SHISA9: variants seen among roughly 807,000 people sequenced by gnomAD.
SHISA9 encodes the protein shisa family member 9.
In SHISA9, 13 loss-of-function variants were observed where a neutral mutation model predicts 38.0. The ratio of observed to expected loss-of-function variants is 0.34; its 90% CI spans 0.22 to 0.54. The LOEUF is 0.54. Ranked by LOEUF, SHISA9 falls within the 20% of genes least tolerant of loss-of-function variation. The pLI, the probability that SHISA9 is intolerant of heterozygous loss-of-function variation, is 0.91. For synonymous variants in SHISA9, 275 were observed against 242.0 expected (o/e 1.14, Z -1.27); for missense variants, 538 against 575.8 (o/e 0.93, Z 0.67).
chr16:13,170,725 C>G (rs576009058), intron 2 of SHISA9, among the ~76,000 whole-genome samples: 1 of 152,194 alleles, frequency 6.6e-6, no homozygotes, highest in Non-Finnish European at 1.5e-5. Flanking sequence ...GGTGCCATCT[C>G]GGCTCACTGC....
At position 13,049,153 on chromosome 16, in the gene SHISA9, A is replaced by AGT. The variant is rs1325522183; in HGVS notation, c.691+132339_691+132340dup. On this transcript the variant is annotated intron_variant, in intron 2 of 4. Coordinates refer to ENST00000558583, the MANE Select transcript of SHISA9 (RefSeq NM_001145204.3). ...GCTGCCATTCTAAGCTTTGGTTAGG[A>AGT]GTATGTGTGTGTGTGTGTGTGTGTG... 1.1e-3 allele frequency among the ~76,000 whole-genome samples: 159 copies of AGT among 138,506 alleles called. 1 individual carries two copies. The highest frequency in any genetic ancestry group is 7.8e-3 in the Middle Eastern group (2 of 258). The allele number at this position is 138,506 out of a possible 152,430, so 90.9% of individuals were successfully genotyped here.
chr16:13,469,788 A>G, the SHISA9 span, among the ~76,000 whole-genome samples: 2 of 142,236 alleles, frequency 1.4e-5, no homozygotes, highest in East Asian at 4.9e-4. Context: ...TCAGAAATCT[A>G]TATAGGAGGT....
At chr16:13,142,276 A>G (rs2050408391) in intron 2 of SHISA9, among the ~76,000 whole-genome samples, 1 of 152,190 alleles carries the variant, frequency 6.6e-6, no homozygotes, top group African/African-American at 2.4e-5. Context: ...ACGATTACTT[A>G]TTAGGTCTTC....
At chr16:12,981,070 G>A (rs1436809514) in intron 2 of SHISA9, among the ~76,000 whole-genome samples, 1 of 152,086 alleles carries the variant, frequency 6.6e-6, no homozygotes, top group Non-Finnish European at 1.5e-5. Context: ...CAAAATGATT[G>A]TACTCCTCAA....
chr16:13,246,561 G>A, the SHISA9 span, among the ~76,000 whole-genome samples: 1 of 152,034 alleles, frequency 6.6e-6, no homozygotes, highest in African/African-American at 2.4e-5. Flanking sequence ...ACCAATTATT[G>A]AACATTTTTT....
chr16:13,450,653 T>A, the SHISA9 span, among the ~76,000 whole-genome samples: 5 of 152,222 alleles, frequency 3.3e-5, no homozygotes, highest in African/African-American at 4.8e-5. Context: ...AGTGGAATTA[T>A]TATCTCCAAT....
chr16:13,314,207 T>A, the SHISA9 span, among the ~76,000 whole-genome samples: 1 of 151,602 alleles, frequency 6.6e-6, no homozygotes, highest in Non-Finnish European at 1.5e-5. Context: ...TATTTCATTT[T>A]TTTTTATTTT....
intron 2 of SHISA9, among the ~76,000 whole-genome samples, chr16:13,113,129 C>G (rs251922): frequency 0.62 from 92,855 of 149,268 alleles, 29,797 homozygotes; most frequent in African/African-American, 0.78. Context: ...AGAATCGCTT[C>G]AACCCAGAAG....
intron 2 of SHISA9, among the ~76,000 whole-genome samples, chr16:13,013,628 TTCACCCATGAGGCATCACTG>T: frequency 6.6e-6 from 1 of 152,332 alleles, no homozygotes; most frequent in East Asian, 1.9e-4. Flanking sequence ...GTCTTCTCTT[TTCACCCATGAGGCATCACTG>T]TCACATCCCT....
intron 2 of SHISA9, among the ~76,000 whole-genome samples, chr16:12,936,967 A>G (rs945226136): frequency 4.6e-5 from 7 of 152,166 alleles, no homozygotes; most frequent in African/African-American, 1.7e-4. Flanking sequence ...CCTTACTCCA[A>G]CACTGTCTTT....
At chr16:13,416,141 C>G in the SHISA9 span, among the ~76,000 whole-genome samples, 1 of 152,026 alleles carries the variant, frequency 6.6e-6, no homozygotes, top group East Asian at 1.9e-4. Flanking sequence ...AAAAAAACCT[C>G]AAAAAGTAAA....
intron 2 of SHISA9, among the ~76,000 whole-genome samples, chr16:13,004,119 G>C (rs1050018215): frequency 6.6e-6 from 1 of 152,176 alleles, no homozygotes; most frequent in Non-Finnish European, 1.5e-5. Context: ...CTGTTGAGGA[G>C]GTGTTTGAGG....
chr16:12,977,105 C>T (rs574519166), intron 2 of SHISA9, among the ~76,000 whole-genome samples: 171 of 152,224 alleles, frequency 1.1e-3, no homozygotes, highest in African/African-American at 3.8e-3. Context: ...TGAATGGAAG[C>T]CTTTAAGAGC....
At chr16:13,101,731 T>A (rs1034363358) in intron 2 of SHISA9, among the ~76,000 whole-genome samples, 1 of 152,254 alleles carries the variant, frequency 6.6e-6, no homozygotes, top group Non-Finnish European at 1.5e-5. Flanking sequence ...TGTACTAATT[T>A]CTATTCCTAC....
intron 2 of SHISA9, among the ~76,000 whole-genome samples, chr16:13,115,464 GA>G (rs2074022686): frequency 1.3e-5 from 2 of 152,238 alleles, no homozygotes; most frequent in South Asian, 2.1e-4. Context: ...CCTTAAGACA[GA>G]GATCACTAAT....
chr16:13,081,294 A>G (rs765404713), intron 2 of SHISA9, among the ~76,000 whole-genome samples: 9 of 152,262 alleles, frequency 5.9e-5, no homozygotes, highest in Non-Finnish European at 1.0e-4. Context: ...CTAGATTGAG[A>G]CCCAAAGCTG....
chr16:13,405,844 C>T, the SHISA9 span, among the ~76,000 whole-genome samples: 15 of 150,956 alleles, frequency 9.9e-5, 1 homozygote, highest in Admixed American at 2.0e-4. Context: ...TTGGTGTATA[C>T]ATACCACATA....
intron 2 of SHISA9, among the ~76,000 whole-genome samples, chr16:13,025,611 A>G (rs1208182402): frequency 6.6e-6 from 1 of 152,218 alleles, no homozygotes; most frequent in African/African-American, 2.4e-5. Context: ...GGGAATCACC[A>G]ACACACAGCC....
At chr16:13,014,084 A>G (rs1441076743) in intron 2 of SHISA9, among the ~76,000 whole-genome samples, 4 of 152,150 alleles carry the variant, frequency 2.6e-5, no homozygotes, top group African/African-American at 7.2e-5. Flanking sequence ...CAGGAGGTGC[A>G]CCTGCCTCAT....
Sources: allele counts gnomAD v4.1 joint callset (sites outside exome capture counted in the v4.1 genomes callset), GRCh38; gene constraint gnomAD v4.1.1; transcripts MANE v1.5; gene names NCBI Gene and HGNC (gene_info 2026-07-23, HGNC 2026-07-21).